NPSR1: variants seen among roughly 807,000 people sequenced by gnomAD.
NPSR1 encodes neuropeptide S receptor 1, also known as neuropeptide S receptor.
NPSR1 carries 48 observed loss-of-function variants against 46.9 expected under a neutral mutation model. The ratio of observed to expected loss-of-function variants is 1.02; its 90% CI spans 0.81 to 1.30. The LOEUF is 1.30. Among genes scored for constraint, NPSR1 ranks in the 50% most tolerant of loss-of-function variants. The pLI, the probability that NPSR1 is intolerant of heterozygous loss-of-function variation, is 0.00. For missense variants in NPSR1, 450 were observed against 449.5 expected, an observed-to-expected ratio of 1.00 and a Z score of -0.01; for synonymous variants, 176 against 168.1, an observed-to-expected ratio of 1.05 and a Z score of -0.36.
intron 1 of NPSR1, among the ~76,000 whole-genome samples, chr7:34,680,916 A>G (rs1402121284): frequency 1.3e-5 from 2 of 151,478 alleles, no homozygotes; most frequent in African/African-American, 4.9e-5. Flanking sequence ...GGGGCACAGG[A>G]AGGGCTTTCT....
chr7:34,845,452 C>G lies in NPSR1; in HGVS notation c.844+470C>G, dbSNP rs141467996. 6.3e-4 allele frequency: 241 copies of G among 383,546 alleles called. No individual in the cohort carries two copies. In the Middle Eastern group the frequency reaches 8.9e-3, roughly 14 times the overall value. 23.8% of individuals were successfully genotyped at this position (383,546 alleles called of 1,614,324 possible). A position where few individuals can be genotyped will look rare whatever the true frequency, so the allele number is the denominator to read the frequency against. On this transcript the variant is annotated intron_variant, in intron 7 of 8. Coordinates refer to ENST00000360581, the MANE Select transcript of NPSR1 (RefSeq NM_207172.2). The stretch of plus-strand genomic sequence containing the variant: ...TCCTGTCTTCTGCCCTTTCCTTTTC[C>G]TTTCTCTCTACTCTTAAGACTCATA...
chr7:34,778,697 C>A, intron 3 of NPSR1, 132 bp downstream of exon 3: 2 of 542,742 alleles, frequency 3.7e-6, no homozygotes, highest in Non-Finnish European at 3.2e-6. Flanking sequence ...GGTAGAAGGG[C>A]AATGAAAATT....
At chr7:34,688,446 G>A (rs1793051542) in intron 2 of NPSR1, among the ~76,000 whole-genome samples, 1 of 152,176 alleles carries the variant, frequency 6.6e-6, no homozygotes, top group Non-Finnish European at 1.5e-5. Context: ...AAGATTGAAG[G>A]TTGAATGTCC....
chr7:34,665,158 G>C (rs1481359026), intron 1 of NPSR1, among the ~76,000 whole-genome samples: 1 of 152,158 alleles, frequency 6.6e-6, no homozygotes, highest in African/African-American at 2.4e-5. Flanking sequence ...GCTGATTTTG[G>C]TCTGGATAGG....
At chr7:34,866,225 G>A (rs1239581579) in intron 8 of NPSR1, among the ~76,000 whole-genome samples, 1 of 151,822 alleles carries the variant, frequency 6.6e-6, no homozygotes, top group Non-Finnish European at 1.5e-5. Context: ...CACTATGGCT[G>A]AGAGATAAGC....
chr7:34,726,916 CAT>C (rs1412642930), intron 2 of NPSR1, among the ~76,000 whole-genome samples: 1 of 151,474 alleles, frequency 6.6e-6, no homozygotes, highest in Admixed American at 6.6e-5. Flanking sequence ...GAAACTATTT[CAT>C]ATGTTATTAT....
chr7:34,768,793 A>G (rs1393256021), intron 2 of NPSR1, among the ~76,000 whole-genome samples: 3 of 152,232 alleles, frequency 2.0e-5, no homozygotes, highest in Admixed American at 1.3e-4. Flanking sequence ...TATGCCAAAT[A>G]ATAGTAAGAA....
At chr7:34,871,367 C>T (rs917503085) in intron 8 of NPSR1, 1 of 151,828 alleles carries the variant, frequency 6.6e-6, no homozygotes, top group African/African-American at 2.4e-5. Context: ...ACATCTCCCA[C>T]TAGGCCCCAT....
At chr7:34,834,315 GGTCTTCTCTGT>G in intron 5 of NPSR1, 58 bp from the exon 6 acceptor site, 1 of 1,139,136 alleles carries the variant, frequency 8.8e-7, no homozygotes, top group Non-Finnish European at 1.3e-6. Context: ...AGGTGGGAGT[GGTCTTCTCTGT>G]GTCCTCACAG....
chr7:34,727,276 G>T (rs990293259), intron 2 of NPSR1, among the ~76,000 whole-genome samples: 5 of 152,092 alleles, frequency 3.3e-5, no homozygotes, highest in African/African-American at 1.2e-4. Context: ...AAACACATGT[G>T]CAGCCTTTTA....
At chr7:34,743,252 C>T (rs1357729954) in intron 2 of NPSR1, among the ~76,000 whole-genome samples, 6 of 152,090 alleles carry the variant, frequency 3.9e-5, no homozygotes, top group Admixed American at 6.6e-5. Context: ...GTATTACTTA[C>T]GTTGTCTTCC....
chr7:34,767,112 A>C (rs530446368), intron 2 of NPSR1, among the ~76,000 whole-genome samples: 1 of 152,256 alleles, frequency 6.6e-6, no homozygotes, highest in South Asian at 2.1e-4. Context: ...TGTGAGATTA[A>C]ATTTCATTGA....
chr7:34,679,623 T>C (rs1240448188), intron 1 of NPSR1, among the ~76,000 whole-genome samples: 1 of 152,136 alleles, frequency 6.6e-6, no homozygotes, highest in Non-Finnish European at 1.5e-5. Flanking sequence ...ATTCTGGGCC[T>C]GCTAGTTCGT....
intron 2 of NPSR1, among the ~76,000 whole-genome samples, chr7:34,740,014 G>T (rs1486477064): frequency 6.6e-6 from 1 of 152,140 alleles, no homozygotes; most frequent in Non-Finnish European, 1.5e-5. Flanking sequence ...GAGTAGGAAA[G>T]AACCATTAGT....
intron 2 of NPSR1, among the ~76,000 whole-genome samples, chr7:34,744,903 T>C (rs1785127582): frequency 6.6e-6 from 1 of 152,216 alleles, no homozygotes; most frequent in African/African-American, 2.4e-5. Context: ...GCATCTATAC[T>C]GAACATGTTC....
At chr7:34,869,972 C>G (rs1791411912) in intron 8 of NPSR1, among the ~76,000 whole-genome samples, 1 of 151,770 alleles carries the variant, frequency 6.6e-6, no homozygotes, top group Admixed American at 6.5e-5. Context: ...TAAGCAGACA[C>G]TAGGCTTTTT....
At chr7:34,869,770 G>C (rs995813968) in intron 8 of NPSR1, among the ~76,000 whole-genome samples, 1 of 151,798 alleles carries the variant, frequency 6.6e-6, no homozygotes, top group African/African-American at 2.4e-5. Context: ...GTTACATTCT[G>C]TGGGCAAAAT....
chr7:34,826,887 CAA>C (rs58951477), intron 4 of NPSR1, among the ~76,000 whole-genome samples: 50 of 140,796 alleles, frequency 3.6e-4, no homozygotes, highest in Admixed American at 5.6e-4. Flanking sequence ...ATGTTCCTAC[CAA>C]AAAAAAAAAA....
At chr7:34,708,592 A>T (rs1794225738) in intron 2 of NPSR1, among the ~76,000 whole-genome samples, 1 of 152,208 alleles carries the variant, frequency 6.6e-6, no homozygotes, top group African/African-American at 2.4e-5. Flanking sequence ...TTATAGTTAG[A>T]GGAAGGAAAA....
Sources: allele counts gnomAD v4.1 joint callset (sites outside exome capture counted in the v4.1 genomes callset), GRCh38; gene constraint gnomAD v4.1.1; transcripts MANE v1.5; gene names NCBI Gene and HGNC (gene_info 2026-07-23, HGNC 2026-07-21).